ABHD12: variants seen among roughly 807,000 people sequenced by gnomAD.
ABHD12 encodes the protein abhydrolase domain containing 12, lysophospholipase.
In ABHD12, 43 loss-of-function variants were observed where a neutral mutation model predicts 58.3. The observed-to-expected ratio is 0.74, with a 90% CI of 0.58 to 0.95. The LOEUF (loss-of-function observed/expected upper bound fraction) is 0.95. ABHD12 is among the 40% of genes least tolerant of loss of function. The pLI, the probability that ABHD12 is intolerant of heterozygous loss-of-function variation, is 0.00. For synonymous variants in ABHD12, 219 were observed against 211.2 expected (o/e 1.04, Z -0.32); for missense variants, 539 against 537.2 (o/e 1.00, Z -0.03).
At chr20:25,354,257 C>T (rs920440264) in intron 1 of ABHD12, among the ~76,000 whole-genome samples, 1 of 152,122 alleles carries the variant, frequency 6.6e-6, no homozygotes, top group African/African-American at 2.4e-5. Flanking sequence ...AAGGGCTGTT[C>T]CCACCTGTGG....
chr20:25,328,208 A>G (rs1332707432), intron 2 of ABHD12, among the ~76,000 whole-genome samples: 3 of 152,146 alleles, frequency 2.0e-5, no homozygotes, highest in Admixed American at 6.5e-5. Context: ...AAGTGGGTCC[A>G]CTTCAGGATC....
chr20:25,343,157 G>GT, intron 1 of ABHD12, among the ~76,000 whole-genome samples: 1 of 152,272 alleles, frequency 6.6e-6, no homozygotes, highest in South Asian at 2.1e-4. Flanking sequence ...CAAAACTCAC[G>GT]TAAGAAATAG....
Position 25,300,799 on chromosome 20 carries a change from A to C in ABHD12, c.*46T>G. On this transcript the variant is annotated 3_prime_UTR_variant, in exon 13 of 13. Coordinates refer to ENST00000339157, the MANE Select transcript of ABHD12 (RefSeq NM_001042472.3). ...ATACCGGGCTGCTGACTGGAGGAAA[A>C]CGGGAGGAGGGCAGAGGTCTTCATG... 2 of 1,613,716 alleles carry C rather than the reference A, an allele frequency of 1.2e-6. No homozygotes were observed. The highest frequency in any genetic ancestry group is 1.7e-6 in the Non-Finnish European group (2 of 1,179,844).
At chr20:25,356,921 G>A (rs573547447) in intron 1 of ABHD12, among the ~76,000 whole-genome samples, 39 of 152,260 alleles carry the variant, frequency 2.6e-4, no homozygotes, top group African/African-American at 9.1e-4. Context: ...GAACTACCTG[G>A]GACAGGAGCT....
At chr20:25,308,588 G>T in intron 7 of ABHD12, 94 bp from the exon 8 acceptor site, 1 of 1,435,416 alleles carries the variant, frequency 7.0e-7, no homozygotes, top group Non-Finnish European at 9.6e-7. Context: ...GGAGCCATGG[G>T]GTCTGTGAAG....
chr20:25,390,381 C>T, intron 1 of ABHD12, 132 bp downstream of exon 1: 1 of 924,120 alleles, frequency 1.1e-6, no homozygotes, highest in Non-Finnish European at 1.4e-6. Flanking sequence ...CAGGCGCGGA[C>T]GGGGGCGGCC....
rs1021218285 is a variant in ABHD12, at chr20:25,362,497, T to C, written c.192-23146A>G. ...CAGAGAATTGCTTGAACCCCGGAAA[T>C]GGAGGTTGCAGTGAGCTGAGATCGC... On this transcript the variant is annotated intron_variant, in intron 1 of 12. Coordinates refer to ENST00000339157, the MANE Select transcript of ABHD12 (RefSeq NM_001042472.3). Among the ~76,000 whole-genome samples, 27 of 142,450 alleles carry C rather than the reference T, an allele frequency of 1.9e-4. 1 individual carries two copies. The highest frequency in any genetic ancestry group is 7.8e-5 in the African/African-American group (3 of 38,390). 93.5% of individuals were successfully genotyped at this position (142,450 alleles called of 152,430 possible). A position where few individuals can be genotyped will look rare whatever the true frequency, so the allele number is the denominator to read the frequency against.
intron 6 of ABHD12, among the ~76,000 whole-genome samples, chr20:25,313,501 A>G (rs2088902510): frequency 6.6e-6 from 1 of 152,158 alleles, no homozygotes; most frequent in African/African-American, 2.4e-5. Flanking sequence ...TCACTTGTTT[A>G]TCTGCTGACC....
At chr20:25,323,843 C>A (rs568001833) in intron 2 of ABHD12, among the ~76,000 whole-genome samples, 5 of 152,118 alleles carry the variant, frequency 3.3e-5, no homozygotes, top group African/African-American at 1.2e-4. Flanking sequence ...GCTGAGCCTG[C>A]GAATAACTCA....
chr20:25,384,612 G>C (rs1174025336), intron 1 of ABHD12, among the ~76,000 whole-genome samples: 1 of 152,088 alleles, frequency 6.6e-6, no homozygotes, highest in Non-Finnish European at 1.5e-5. Flanking sequence ...AGGCATGGTG[G>C]TGGGTGCCTG....
At chr20:25,352,108 C>T (rs2089608197) in intron 1 of ABHD12, among the ~76,000 whole-genome samples, 2 of 151,942 alleles carry the variant, frequency 1.3e-5, no homozygotes, top group Admixed American at 1.3e-4. Context: ...TCTCTAGCCT[C>T]AGCCTCCCAA....
Position 25,300,616 on chromosome 20 carries a change from A to G in ABHD12, c.*229T>C. 12 of 1,446,054 alleles carry G rather than the reference A, an allele frequency of 8.3e-6. No homozygotes were observed. Among genetic ancestry groups the G allele is most frequent in the Non-Finnish European group, 9.9e-6 (11 of 1,105,924 alleles). The allele number at this position is 1,446,054 out of a possible 1,614,324, so 89.6% of individuals were successfully genotyped here. A position where few individuals can be genotyped will look rare whatever the true frequency, so the allele number is the denominator to read the frequency against. On this transcript the variant is annotated 3_prime_UTR_variant, in exon 13 of 13. Transcript: ENST00000339157. ...GATCTCAGGTTGAGGGGCGGCAAGGAGAGCCACATGCCTGCCACCCACGCT... is the reference window on the plus strand; with the variant it reads ...GATCTCAGGTTGAGGGGCGGCAAGGGGAGCCACATGCCTGCCACCCACGCT...
At chr20:25,322,563 T>TC (rs2089099134) in intron 3 of ABHD12, among the ~76,000 whole-genome samples, 2 of 150,272 alleles carry the variant, frequency 1.3e-5, no homozygotes, top group African/African-American at 4.9e-5. Context: ...TATTTTTTTT[T>TC]CAGTAGAGAC....
Position 25,302,340 on chromosome 20 carries a change from T to C in ABHD12, c.1036A>G (p.Ser346Gly). Reference protein sequence around the residue: ...VPFQLGRKLYSIAAPARSFRD... With the variant: ...VPFQLGRKLYGIAAPARSFRD... ...AAGCTTCGAGCTGGTGCGGCGATGCTATAGAGCTGGGGAGAGAGGGGTCAG... is the reference window on the plus strand; with the variant it reads ...AAGCTTCGAGCTGGTGCGGCGATGCCATAGAGCTGGGGAGAGAGGGGTCAG... Residue 346 changes from serine to glycine, a missense_variant, in exon 12 of 13, where the codon AGC becomes GGC. Physicochemically the swap from Ser to Gly is moderately conservative, Grantham distance 56. Transcript: ENST00000339157. The C allele has an allele frequency of 6.2e-7, 1 of 1,613,292 alleles. No individual in the cohort carries two copies. Among genetic ancestry groups the C allele is most frequent in the Non-Finnish European group, 8.5e-7 (1 of 1,179,922 alleles).
At chr20:25,379,836 T>C (rs749433776) in intron 1 of ABHD12, among the ~76,000 whole-genome samples, 1 of 151,926 alleles carries the variant, frequency 6.6e-6, no homozygotes, top group African/African-American at 2.4e-5. Context: ...CAAGCAATCA[T>C]GCACGCCATG....
At chr20:25,383,139 T>TA (rs1157490262) in intron 1 of ABHD12, among the ~76,000 whole-genome samples, 1 of 152,138 alleles carries the variant, frequency 6.6e-6, no homozygotes, top group Middle Eastern at 3.2e-3. Flanking sequence ...CAGGGACACT[T>TA]AGAGGGTGAG....
intron 4 of ABHD12, among the ~76,000 whole-genome samples, chr20:25,319,943 C>T (rs1449669378): frequency 6.6e-6 from 1 of 152,238 alleles, no homozygotes; most frequent in Non-Finnish European, 1.5e-5. Context: ...CCACGGAACA[C>T]AGCCGTGCTG....
In ABHD12 at chr20:25,339,866, G is replaced by A. The variant is rs2089432134; in HGVS notation, c.192-515C>T. ...AGAGCAGGAGGCTAAGAACTGGCAC[G>A]GTGTGTCCTTGCATTTACGCGTGGG... On this transcript the variant is annotated intron_variant, in intron 1 of 12. Transcript: ENST00000339157. The A allele has an allele frequency of 7.9e-6, 7 of 882,984 alleles. 1 individual carries two copies. The South Asian group carries it at 1.1e-4, about 14-fold the overall frequency. The allele number at this position is 882,984 out of a possible 1,614,324, so 54.7% of individuals were successfully genotyped here.
At chr20:25,322,808 T>C (rs921712026) in intron 3 of ABHD12, among the ~76,000 whole-genome samples, 3 of 152,144 alleles carry the variant, frequency 2.0e-5, no homozygotes, top group Admixed American at 1.3e-4. Context: ...CTGCAACTTC[T>C]GCCTCCTGGA....
Sources: gnomAD v4.1 joint callset for allele counts (sites outside exome capture counted in the v4.1 genomes callset) on GRCh38, gnomAD v4.1.1 for gene constraint, MANE v1.5 for transcripts, NCBI Gene and HGNC (gene_info 2026-07-23, HGNC 2026-07-21) for gene names.